The following ANK2 variants were observed in gnomAD, a reference collection of about 807,000 sequenced individuals.
ANK2 encodes the protein ankyrin 2.
In ANK2, 83 loss-of-function variants were observed where a neutral mutation model predicts 360.5. That is an observed-to-expected ratio of 0.23 (90% CI 0.19 to 0.28). ANK2 has a LOEUF of 0.28. ANK2 is among the 10% of genes least tolerant of loss of function. The probability of loss-of-function intolerance (pLI) is 1.00; values close to 1 mark genes in which losing one functional copy is unlikely to be tolerated. For missense variants in ANK2, 4,201 were observed against 4,795.7 expected (o/e 0.88, Z 3.66); for synonymous variants, 1,740 against 1,759.5 (o/e 0.99, Z 0.28).
chr4:112,874,071 T>C (rs2074175203), intron 1 of ANK2, among the ~76,000 whole-genome samples: 2 of 147,208 alleles, frequency 1.4e-5, no homozygotes, highest in Admixed American at 1.4e-4. Context: ...CAAAAGCTCT[T>C]GGGGTTCTCT....
chr4:113,353,469 A>T lies in ANK2; in HGVS notation c.4851A>T (p.Val1617=). The change falls in exon 38 of 46, where the codon GTA becomes GTT. Residue 1617 remains valine (V), a synonymous_variant. Coordinates refer to ENST00000357077, the MANE Select transcript of ANK2 (RefSeq NM_001148.6). The stretch of plus-strand genomic sequence containing the variant: ...TAGAAATCACTGAATATCCATGTGT[A>T]GAAGTTAGAATAGATAAAGAGATCA... ...APLEITEYPC[V]EVRIDKEIKG... is the part of the protein sequence containing the mutation. 6.2e-7 allele frequency: 1 copy of T among 1,614,100 alleles called. No homozygotes were observed.
intron 2 of ANK2, among the ~76,000 whole-genome samples, chr4:113,040,250 A>G (rs940553500): frequency 6.6e-6 from 1 of 152,066 alleles, no homozygotes; most frequent in Admixed American, 6.6e-5. Flanking sequence ...GTGAAATTCT[A>G]CGTTTCATCT....
chr4:113,046,423 C>T (rs2064413494), upstream of ANK2, among the ~76,000 whole-genome samples: 2 of 151,990 alleles, frequency 1.3e-5, no homozygotes. Flanking sequence ...GAAACTTAAC[C>T]CCCAGTGTGA....
chr4:113,290,088 C>T (rs1023346474), intron 20 of ANK2, among the ~76,000 whole-genome samples: 1 of 151,930 alleles, frequency 6.6e-6, no homozygotes, highest in Middle Eastern at 3.5e-3. Context: ...TAGAGAATAT[C>T]AATGGTCTCC....
At chr4:112,837,637 G>A (rs936000645) in intron 1 of ANK2, among the ~76,000 whole-genome samples, 6 of 152,220 alleles carry the variant, frequency 3.9e-5, no homozygotes, top group African/African-American at 1.4e-4. Flanking sequence ...AGCTGCCCAT[G>A]GCCTTGGAAG....
chr4:112,812,375 A>T, the ANK2 span, among the ~76,000 whole-genome samples: 1 of 152,196 alleles, frequency 6.6e-6, no homozygotes, highest in Non-Finnish European at 1.5e-5. Context: ...TGTGATATTG[A>T]CACATCTCCA....
At position 113,363,797 on chromosome 4, in the gene ANK2, A is replaced by G. The variant is rs541646125; in HGVS notation, c.10888+328A>G. ...GGTGTTTCTACATTATCCCATTCTG[A>G]GTGAGTGTGGGTGTGTGTGAGTGCC... On this transcript the variant is annotated intron_variant, in intron 40 of 45. Coordinates refer to ENST00000357077, the MANE Select transcript of ANK2 (RefSeq NM_001148.6). Among the ~76,000 whole-genome samples the G allele has an allele frequency of 2.0e-5, 3 of 152,140 alleles. No individual in the cohort carries two copies. In the East Asian group the frequency reaches 5.8e-4, roughly 29 times the overall value.
chr4:113,322,344 C>A (rs2086747360), intron 26 of ANK2, among the ~76,000 whole-genome samples: 1 of 152,200 alleles, frequency 6.6e-6, no homozygotes. Flanking sequence ...AAAAGAAAGA[C>A]TAACATTTGC....
intron 2 of ANK2, among the ~76,000 whole-genome samples, chr4:112,953,561 TAC>T (rs1042518255): frequency 2.4e-3 from 371 of 152,362 alleles, no homozygotes; most frequent in African/African-American, 8.6e-3. Context: ...GAGGATTACA[TAC>T]GTTTGGTTTG....
At chr4:112,741,213 T>G in the ANK2 span, among the ~76,000 whole-genome samples, 1 of 152,214 alleles carries the variant, frequency 6.6e-6, no homozygotes, top group African/African-American at 2.4e-5. Context: ...TGCTTCTATA[T>G]GCAGAGATCC....
intron 2 of ANK2, among the ~76,000 whole-genome samples, chr4:112,963,037 G>T (rs1235157297): frequency 6.6e-6 from 1 of 151,966 alleles, no homozygotes; most frequent in African/African-American, 2.4e-5. Flanking sequence ...CTGCTTAATA[G>T]TCAATTATTT....
intron 1 of ANK2, among the ~76,000 whole-genome samples, chr4:112,864,129 A>T (rs1310205242): frequency 6.6e-6 from 1 of 152,184 alleles, no homozygotes; most frequent in Admixed American, 6.5e-5. Flanking sequence ...TAGAAGGAAG[A>T]AAACAGTTCA....
chr4:113,144,701 G>T (rs1023140528), intron 1 of ANK2, among the ~76,000 whole-genome samples: 1 of 148,526 alleles, frequency 6.7e-6, no homozygotes, highest in Non-Finnish European at 1.5e-5. Flanking sequence ...AATGAGGAAG[G>T]ATAGGACTAA....
At chr4:112,860,588 C>G (rs1311424835) in intron 1 of ANK2, among the ~76,000 whole-genome samples, 1 of 152,056 alleles carries the variant, frequency 6.6e-6, no homozygotes, top group Non-Finnish European at 1.5e-5. Flanking sequence ...AAAAATGAAG[C>G]AGTTGGAAAA....
chr4:113,021,541 C>CATATATATATATATATATAT (rs57817594), intron 2 of ANK2, among the ~76,000 whole-genome samples: 2 of 95,572 alleles, frequency 2.1e-5, no homozygotes, highest in South Asian at 3.0e-4. Context: ...CACACACAAA[C>CATATATATATATATATATAT]ATATATATAT....
chr4:112,913,725 G>A (rs1168102903), intron 2 of ANK2, among the ~76,000 whole-genome samples: 1 of 152,006 alleles, frequency 6.6e-6, no homozygotes, highest in Non-Finnish European at 1.5e-5. Context: ...AGATATACCT[G>A]TTTTTGTTCA....
Position 113,357,148 on chromosome 4 carries a change from T to C in ANK2, c.8530T>C (p.Phe2844Leu), listed in dbSNP as rs1372983246. The C allele has an allele frequency of 1.2e-6, 2 of 1,614,106 alleles. No individual in the cohort carries two copies. The highest frequency in any genetic ancestry group is 2.2e-5 in the East Asian group (1 of 44,876). The change falls in exon 38 of 46, where the codon TTT becomes CTT. Residue 2844 changes from phenylalanine (F) to leucine (L), a missense_variant. Coordinates refer to ENST00000357077, the MANE Select transcript of ANK2 (RefSeq NM_001148.6). ...ACAAGCAGATTGCCCCAGTGAAAGC[T>C]TTTCATCTTCATCCTCTTTGCCTCA... Reference protein sequence around the residue: ...SPQADCPSESFSSSSSLPHCL... With the variant: ...SPQADCPSESLSSSSSLPHCL...
chr4:113,307,048 G>A (rs2077540874), intron 23 of ANK2, among the ~76,000 whole-genome samples: 1 of 152,158 alleles, frequency 6.6e-6, no homozygotes, highest in Non-Finnish European at 1.5e-5. Flanking sequence ...CAGAGATTTT[G>A]GCATCTGTAT....
chr4:113,060,207 T>C (rs1278428071), intron 1 of ANK2, among the ~76,000 whole-genome samples: 1 of 152,120 alleles, frequency 6.6e-6, no homozygotes, highest in Non-Finnish European at 1.5e-5. Flanking sequence ...TGATGTTTTG[T>C]TAAATAAATG....
Sources: gnomAD v4.1 joint callset for allele counts (sites outside exome capture counted in the v4.1 genomes callset) on GRCh38, gnomAD v4.1.1 for gene constraint, MANE v1.5 for transcripts, NCBI Gene and HGNC (gene_info 2026-07-23, HGNC 2026-07-21) for gene names.